FYN: variants seen among roughly 807,000 people sequenced by gnomAD.
FYN encodes the protein tyrosine-protein kinase Fyn.
In FYN, 10 loss-of-function variants were observed where a neutral mutation model predicts 70.2. The ratio of observed to expected loss-of-function variants is 0.14; its 90% CI spans 0.09 to 0.24. FYN has a LOEUF of 0.24. FYN is among the 10% of genes least tolerant of loss of function. The pLI is 1.00. For missense variants in FYN, 319 were observed against 673.1 expected (o/e 0.47, Z 5.82); for synonymous variants, 236 against 248.6 (o/e 0.95, Z 0.48).
intron 12 of FYN, among the ~76,000 whole-genome samples, chr6:111,692,971 T>C (rs1799404703): frequency 6.6e-6 from 1 of 152,204 alleles, no homozygotes; most frequent in South Asian, 2.1e-4. Flanking sequence ...TATGTGTGTG[T>C]GTAACGCACG....
At chr6:111,706,696 C>G (rs1266969168) in intron 6 of FYN, among the ~76,000 whole-genome samples, 1 of 152,124 alleles carries the variant, frequency 6.6e-6, no homozygotes, top group Non-Finnish European at 1.5e-5. Flanking sequence ...AAATAATATT[C>G]TTTAAAAACA....
At chr6:111,853,022 A>C (rs4947154) in intron 1 of FYN, among the ~76,000 whole-genome samples, 2 of 152,176 alleles carry the variant, frequency 1.3e-5, no homozygotes, top group East Asian at 1.9e-4. Context: ...TCTACCACCA[A>C]CATCATAGGT....
intron 13 of FYN, among the ~76,000 whole-genome samples, chr6:111,663,677 C>T (rs1223949548): frequency 6.6e-6 from 1 of 152,204 alleles, no homozygotes; most frequent in African/African-American, 2.4e-5. Flanking sequence ...AGGGCGACCC[C>T]TTATTTTAGG....
At chr6:111,744,504 T>A (rs1387712159) in intron 3 of FYN, among the ~76,000 whole-genome samples, 1 of 152,224 alleles carries the variant, frequency 6.6e-6, no homozygotes, top group East Asian at 1.9e-4. Flanking sequence ...AAGATCTGTT[T>A]TTGCTGGAGA....
intron 1 of FYN, among the ~76,000 whole-genome samples, chr6:111,859,389 C>T (rs950193858): frequency 1.3e-5 from 2 of 152,074 alleles, no homozygotes; most frequent in Admixed American, 1.3e-4. Context: ...TCCAATGGGG[C>T]CTCACTCCAT....
intron 3 of FYN, among the ~76,000 whole-genome samples, chr6:111,744,433 C>T (rs1379313268): frequency 6.6e-6 from 1 of 152,204 alleles, no homozygotes; most frequent in East Asian, 1.9e-4. Flanking sequence ...ATGCAGAAGA[C>T]AAAAGAATAG....
chr6:111,670,428 C>G (rs1308194935), intron 13 of FYN, among the ~76,000 whole-genome samples: 1 of 152,164 alleles, frequency 6.6e-6, no homozygotes, highest in Non-Finnish European at 1.5e-5. Flanking sequence ...CTAGCTGTTA[C>G]CAGCAGCAAA....
intron 2 of FYN, among the ~76,000 whole-genome samples, chr6:111,814,713 C>G (rs548464756): frequency 1.3e-5 from 2 of 152,208 alleles, no homozygotes; most frequent in South Asian, 4.2e-4. Flanking sequence ...TTGGTCTGAG[C>G]CTTCAAAACA....
intron 3 of FYN, among the ~76,000 whole-genome samples, chr6:111,736,729 T>C (rs1305479423): frequency 6.6e-6 from 1 of 152,200 alleles, no homozygotes; most frequent in Non-Finnish European, 1.5e-5. Context: ...AGCCTACACA[T>C]TCTGAGTATT....
chr6:111,720,133 G>A (rs754793214), intron 3 of FYN, 71 bp from the exon 4 acceptor site: 341 of 1,499,154 alleles, frequency 2.3e-4, no homozygotes, highest in Non-Finnish European at 2.9e-4. Flanking sequence ...TACAGTAAAC[G>A]AGGAGTAATT....
At chr6:111,808,295 A>C (rs1167458623) in intron 2 of FYN, among the ~76,000 whole-genome samples, 4 of 152,190 alleles carry the variant, frequency 2.6e-5, no homozygotes, top group African/African-American at 9.6e-5. Flanking sequence ...TTTGCCAAGA[A>C]GTGAGCAGGG....
chr6:111,788,402 A>G (rs1021562296), intron 2 of FYN, among the ~76,000 whole-genome samples: 6 of 152,142 alleles, frequency 3.9e-5, no homozygotes, highest in African/African-American at 1.4e-4. Context: ...TGAGATTCCA[A>G]TTCTTCCTCT....
At chr6:111,802,501 T>C (rs1024862462) in intron 2 of FYN, among the ~76,000 whole-genome samples, 2 of 152,062 alleles carry the variant, frequency 1.3e-5, no homozygotes, top group Admixed American at 6.5e-5. Context: ...GGTGTGACCT[T>C]GGCTCACTGC....
chr6:111,808,793 G>A (rs980093992), intron 2 of FYN, among the ~76,000 whole-genome samples: 4 of 152,220 alleles, frequency 2.6e-5, no homozygotes, highest in African/African-American at 4.8e-5. Context: ...AGCACCTGAT[G>A]CTATAGGTAA....
chr6:111,783,170 T>G (rs1373724519), intron 2 of FYN, among the ~76,000 whole-genome samples: 2 of 152,214 alleles, frequency 1.3e-5, no homozygotes, highest in Non-Finnish European at 2.9e-5. Context: ...GAACAGTTCT[T>G]CCTTTTCAAA....
At chr6:111,788,939 G>A (rs1033192931) in intron 2 of FYN, among the ~76,000 whole-genome samples, 5 of 152,150 alleles carry the variant, frequency 3.3e-5, no homozygotes, top group African/African-American at 1.2e-4. Context: ...CCTGCCTGCA[G>A]GGGCTAGAGT....
chr6:111,853,389 C>G (rs1190087354), intron 1 of FYN, among the ~76,000 whole-genome samples: 1 of 150,960 alleles, frequency 6.6e-6, no homozygotes, highest in African/African-American at 2.4e-5. Context: ...CAAAGTAAAC[C>G]AAATCATCAC....
intron 2 of FYN, among the ~76,000 whole-genome samples, chr6:111,800,121 T>C (rs894824639): frequency 3.9e-5 from 6 of 152,224 alleles, no homozygotes; most frequent in African/African-American, 1.4e-4. Context: ...AGGATCAAAA[T>C]GGATTCTCTA....
intron 3 of FYN, among the ~76,000 whole-genome samples, chr6:111,777,692 A>C (rs1771006253): frequency 6.6e-6 from 1 of 152,144 alleles, no homozygotes; most frequent in Non-Finnish European, 1.5e-5. Context: ...TTTATATATC[A>C]TTCCTTGGCA....
Sources: gnomAD v4.1 joint callset for allele counts (sites outside exome capture counted in the v4.1 genomes callset) on GRCh38, gnomAD v4.1.1 for gene constraint, MANE v1.5 for transcripts, NCBI Gene and HGNC (gene_info 2026-07-23, HGNC 2026-07-21) for gene names.